TEKT3: variants seen among roughly 807,000 people sequenced by gnomAD.
TEKT3 encodes the protein tektin 3.
Under a neutral mutation model 49.8 loss-of-function variants are expected in TEKT3, and 49 were observed. The observed-to-expected ratio is 0.98, with a 90% confidence interval of 0.78 to 1.25. The LOEUF is 1.25. Among genes scored for constraint, TEKT3 ranks in the 50% most tolerant of loss-of-function variants. TEKT3 has a pLI of 0.00. For synonymous variants in TEKT3, 225 were observed against 237.2 expected, an observed-to-expected ratio of 0.95 and a Z score of 0.47; for missense variants, 595 against 629.5, an observed-to-expected ratio of 0.95 and a Z score of 0.59.
rs1047882 is a variant in TEKT3, at chr17:15,303,948, G to T, written c.1461C>A (p.Val487=). Residue 487 remains valine, a synonymous_variant, in exon 9 of 9, where the codon GTC becomes GTA. Coordinates refer to ENST00000395930, the MANE Select transcript of TEKT3 (RefSeq NM_031898.3). ...CCCGGTGGGGTCCCTAGCAGAAGCC[G>T]ACCAGCCGGAGGGTGTTGGGGTAGC... ...RKSYPNTLRL[V]GFC The T allele has an allele frequency of 6.2e-7, 1 of 1,613,878 alleles. No individual in the cohort carries two copies. Among genetic ancestry groups the T allele is most frequent in the South Asian group, 1.1e-5 (1 of 90,996 alleles).
intron 8 of TEKT3, among the ~76,000 whole-genome samples, chr17:15,305,961 G>A (rs1408928881): frequency 6.6e-6 from 1 of 151,818 alleles, no homozygotes; most frequent in African/African-American, 2.4e-5. Context: ...CTTGTTCTTG[G>A]CTGATTGCAG....
Position 15,314,320 on chromosome 17 carries a change from C to T in TEKT3, c.735-90G>A, listed in dbSNP as rs747077256. 54 of 1,512,716 alleles carry T rather than the reference C, an allele frequency of 3.6e-5. No homozygotes were observed. The African/African-American group carries it at 6.9e-4, about 19-fold the overall frequency. 93.7% of individuals were successfully genotyped at this position (1,512,716 alleles called of 1,614,324 possible). A position where few individuals can be genotyped will look rare whatever the true frequency, so the allele number is the denominator to read the frequency against. On this transcript the variant is annotated intron_variant, in intron 5 of 8. Transcript: ENST00000395930. ...AGTGCCCTTCCATATTGGGACCTCT[C>T]TCACTGTTGCTCTCACCATCTCTCC...
intron 4 of TEKT3, among the ~76,000 whole-genome samples, chr17:15,326,941 G>T (rs1213365454): frequency 6.6e-6 from 1 of 152,150 alleles, no homozygotes; most frequent in Non-Finnish European, 1.5e-5. Context: ...GCAACTGTAA[G>T]TTTCTGGATG....
intron 4 of TEKT3, among the ~76,000 whole-genome samples, chr17:15,327,027 T>A (rs570936374): frequency 3.2e-4 from 49 of 152,240 alleles, no homozygotes; most frequent in African/African-American, 1.1e-3. Flanking sequence ...CAAAATATAT[T>A]CTAAAGAAAT....
At chr17:15,336,892 A>G (rs1476794234) in intron 2 of TEKT3, among the ~76,000 whole-genome samples, 1 of 152,180 alleles carries the variant, frequency 6.6e-6, no homozygotes, top group Non-Finnish European at 1.5e-5. Context: ...AAATACTCAG[A>G]TGCTATTTGC....
At chr17:15,332,164 G>C (rs1409232689) in intron 2 of TEKT3, among the ~76,000 whole-genome samples, 1 of 152,132 alleles carries the variant, frequency 6.6e-6, no homozygotes, top group African/African-American at 2.4e-5. Flanking sequence ...CTGCACTCCA[G>C]CCTGGGCTAC....
Position 15,308,765 on chromosome 17 carries a change from G to A in TEKT3, c.1155C>T (p.Ala385=). The A allele has an allele frequency of 6.2e-7, 1 of 1,614,082 alleles. No homozygotes were observed. The highest frequency in any genetic ancestry group is 8.5e-7 in the Non-Finnish European group (1 of 1,180,026). ...TEMTIESIKK[A]IKDKTAFLKV... ...TCAGGAAGGCAGTCTTGTCCTTGAT[G>A]GCCTTCTTGATGGATTCTATGGTCA... Residue 385 remains alanine (A), a synonymous_variant, in exon 8 of 9, where the codon GCC becomes GCT. Coordinates refer to ENST00000395930, the MANE Select transcript of TEKT3 (RefSeq NM_031898.3).
chr17:15,333,408 G>A (rs1002109974), intron 2 of TEKT3, among the ~76,000 whole-genome samples: 11 of 152,096 alleles, frequency 7.2e-5, no homozygotes, highest in Admixed American at 1.3e-4. Flanking sequence ...ATAGCTGCCC[G>A]TGGCCCTGTG....
chr17:15,333,279 T>C (rs1911847877), intron 2 of TEKT3, among the ~76,000 whole-genome samples: 1 of 152,158 alleles, frequency 6.6e-6, no homozygotes, highest in East Asian at 1.9e-4. Context: ...CTCAGAAAAA[T>C]AAAAATTCTT....
At chr17:15,315,734 A>T (rs1018226021) in intron 5 of TEKT3, among the ~76,000 whole-genome samples, 1 of 152,202 alleles carries the variant, frequency 6.6e-6, no homozygotes, top group African/African-American at 2.4e-5. Context: ...GAACATCTAC[A>T]TGGGAGACAT....
chr17:15,325,300 G>A (rs1911444839), intron 4 of TEKT3, among the ~76,000 whole-genome samples: 1 of 152,172 alleles, frequency 6.6e-6, no homozygotes, highest in Admixed American at 6.5e-5. Context: ...CTGGGATTTT[G>A]ATAGGAATTG....
chr17:15,320,138 CA>C (rs1333336441), intron 4 of TEKT3, among the ~76,000 whole-genome samples: 2 of 152,112 alleles, frequency 1.3e-5, no homozygotes, highest in African/African-American at 4.8e-5. Flanking sequence ...AGCAAGTGGC[CA>C]CTGTTACTCC....
chr17:15,326,717 T>C (rs944161088), intron 4 of TEKT3, among the ~76,000 whole-genome samples: 5 of 152,128 alleles, frequency 3.3e-5, no homozygotes, highest in African/African-American at 1.2e-4. Context: ...TGGCAAGTAC[T>C]TAGGAATGAA....
intron 7 of TEKT3, among the ~76,000 whole-genome samples, chr17:15,311,924 C>T (rs1175484299): frequency 1.3e-5 from 2 of 152,140 alleles, no homozygotes; most frequent in Non-Finnish European, 2.9e-5. Context: ...ACATTTCTAC[C>T]ATATGTTCTA....
rs562700111 is a variant in TEKT3 at position 15,318,222 on chromosome 17, A to G, written c.734+855T>C. On this transcript the variant is annotated intron_variant, in intron 5 of 8. Coordinates refer to ENST00000395930, the MANE Select transcript of TEKT3 (RefSeq NM_031898.3). ...GCCAGGATGGTCTCGATCTCCTGAC[A>G]TCGTGATCTGCCCGCCCCGGCCTCC... Among the ~76,000 whole-genome samples the G allele has an allele frequency of 1.8e-3, 280 of 151,762 alleles. 1 individual carries two copies. The highest frequency in any genetic ancestry group is 6.2e-3 in the African/African-American group (257 of 41,404).
At chr17:15,317,239 C>T (rs1012387720) in intron 5 of TEKT3, among the ~76,000 whole-genome samples, 1 of 152,102 alleles carries the variant, frequency 6.6e-6, no homozygotes, top group African/African-American at 2.4e-5. Flanking sequence ...CAAAGGTCTG[C>T]AATACAGCCA....
chr17:15,342,362 T>C (rs907351215), upstream of TEKT3, among the ~76,000 whole-genome samples: 4 of 152,224 alleles, frequency 2.6e-5, no homozygotes, highest in Non-Finnish European at 5.9e-5. Context: ...GAGGCAGCAG[T>C]CTAACCGTGT....
intron 7 of TEKT3, 135 bp from the exon 8 acceptor site, chr17:15,308,953 C>T (rs1178084505): frequency 7.3e-6 from 8 of 1,090,554 alleles, no homozygotes; most frequent in Admixed American, 2.0e-5. Context: ...TCACCAAGAC[C>T]GTCTATCCTT....
At position 15,304,185 on chromosome 17, in the gene TEKT3, A is replaced by ATGTAGCTTAC; in HGVS notation, c.1257-34_1257-33insGTAAGCTACA. 1.2e-6 allele frequency: 2 copies of ATGTAGCTTAC among 1,609,136 alleles called. No individual in the cohort carries two copies. On this transcript the variant is annotated intron_variant, in intron 8 of 8. Coordinates refer to ENST00000395930, the MANE Select transcript of TEKT3 (RefSeq NM_031898.3). This position sits in a 1 kb window ranked among gnomAD's most constrained non-coding sequence, Gnocchi z 4.7. ...ATAAAGGAATCAGCATGGTTAGGTC[A>ATGTAGCTTAC]GCATGTAGCTTACGCAACTCCAAGT...
Sources: gnomAD v4.1 joint callset for allele counts (sites outside exome capture counted in the v4.1 genomes callset) on GRCh38, gnomAD v4.1.1 for gene constraint, Gnocchi (gnomAD v3.1) non-coding constraint, MANE v1.5 for transcripts, NCBI Gene and HGNC (gene_info 2026-07-23, HGNC 2026-07-21) for gene names.